Variants in RBFOX1 observed in about 807,000 individuals in gnomAD.
RBFOX1 encodes RNA binding protein fox-1 homolog 1.
In RBFOX1, 8 loss-of-function variants were observed where a neutral mutation model predicts 57.7. The observed-to-expected ratio is 0.14, with a 90% CI of 0.08 to 0.25. RBFOX1 has a LOEUF of 0.25. RBFOX1 is among the 10% of genes least tolerant of loss of function. The pLI, the probability that RBFOX1 is intolerant of heterozygous loss-of-function variation, is 1.00. For missense variants in RBFOX1, 611 were observed against 548.5 expected (o/e 1.11, Z -1.14); for synonymous variants, 326 against 222.4 (o/e 1.47, Z -4.15).
At chr16:5,952,674 T>G (rs544901490) in intron 4 of RBFOX1, among the ~76,000 whole-genome samples, 1 of 152,336 alleles carries the variant, frequency 6.6e-6, no homozygotes, top group Admixed American at 6.5e-5. Flanking sequence ...TTAGTGATTC[T>G]CCCGCTTCAG....
At chr16:6,469,605 T>C (rs1236122782) in intron 2 of RBFOX1, among the ~76,000 whole-genome samples, 1 of 152,222 alleles carries the variant, frequency 6.6e-6, no homozygotes, top group African/African-American at 2.4e-5. Context: ...TCTCCTGTGT[T>C]AGGCTTGCTC....
chr16:5,773,637 A>G (rs2054050011), intron 3 of RBFOX1, among the ~76,000 whole-genome samples: 1 of 152,242 alleles, frequency 6.6e-6, no homozygotes, highest in Non-Finnish European at 1.5e-5. Flanking sequence ...CACGTGAGCA[A>G]GAACGTGCAT....
intron 2 of RBFOX1, among the ~76,000 whole-genome samples, chr16:6,351,148 G>A (rs73539422): frequency 0.014 from 2,173 of 152,092 alleles, 33 homozygotes; most frequent in African/African-American, 0.044. Context: ...ACCTGGGGAG[G>A]CAGGTTAGCT....
intron 1 of RBFOX1, among the ~76,000 whole-genome samples, chr16:6,298,012 A>C (rs2078340513): frequency 6.6e-6 from 1 of 152,234 alleles, no homozygotes; most frequent in African/African-American, 2.4e-5. Flanking sequence ...CTCAGGATGC[A>C]GAAAGCTGTT....
At chr16:5,925,783 T>C (rs1208624975) in intron 4 of RBFOX1, among the ~76,000 whole-genome samples, 1 of 152,176 alleles carries the variant, frequency 6.6e-6, no homozygotes, top group Non-Finnish European at 1.5e-5. Context: ...TCTTCCACCC[T>C]CTTTCCTGAA....
intron 4 of RBFOX1, among the ~76,000 whole-genome samples, chr16:7,258,758 A>C (rs1236623564): frequency 3.3e-5 from 5 of 152,166 alleles, no homozygotes; most frequent in African/African-American, 1.2e-4. Context: ...CAACTTTATT[A>C]GTTGCTGCAA....
At chr16:6,946,726 C>T (rs1007250953) in intron 3 of RBFOX1, among the ~76,000 whole-genome samples, 1 of 151,984 alleles carries the variant, frequency 6.6e-6, no homozygotes, top group African/African-American at 2.4e-5. Flanking sequence ...CCTGAGTCTC[C>T]CAAATAGCTG....
At chr16:5,432,360 G>A (rs987016149) in intron 1 of RBFOX1, among the ~76,000 whole-genome samples, 74 of 152,250 alleles carry the variant, frequency 4.9e-4, no homozygotes, top group Non-Finnish European at 1.0e-3. Context: ...TAGCCCTGGC[G>A]TGAAGCTCTC....
chr16:5,879,276 G>A (rs2057700617), intron 4 of RBFOX1, among the ~76,000 whole-genome samples: 1 of 152,234 alleles, frequency 6.6e-6, no homozygotes, highest in Non-Finnish European at 1.5e-5. Flanking sequence ...AGGGGTTTCA[G>A]ATGGTAAGCA....
At chr16:7,673,240 G>T (rs1301017202) in intron 13 of RBFOX1, among the ~76,000 whole-genome samples, 1 of 152,128 alleles carries the variant, frequency 6.6e-6, no homozygotes, top group African/African-American at 2.4e-5. Context: ...TTTGATTTAA[G>T]CCTCAAATTC....
rs968734676 is a variant in RBFOX1 at position 6,973,150 on chromosome 16, A to T, written c.-15-78907A>T. On this transcript the variant is annotated intron_variant, in intron 3 of 15. Coordinates refer to ENST00000550418, the MANE Select transcript of RBFOX1 (RefSeq NM_018723.4). Reference sequence around the variant, plus strand: ...CATTGTCTAAATAAATTAAAAATTTAAAAATAGAGACAAGGCCATCAGCTT... The same window carrying T: ...CATTGTCTAAATAAATTAAAAATTTTAAAATAGAGACAAGGCCATCAGCTT... Among the ~76,000 whole-genome samples, 12 of 152,046 alleles carry T rather than the reference A, an allele frequency of 7.9e-5. No homozygotes were observed. In the East Asian group the frequency reaches 1.9e-3, roughly 24 times the overall value.
At chr16:7,177,337 G>A (rs776303318) in intron 4 of RBFOX1, among the ~76,000 whole-genome samples, 15 of 152,186 alleles carry the variant, frequency 9.9e-5, no homozygotes, top group Non-Finnish European at 2.2e-4. Flanking sequence ...AGCTGAGGAT[G>A]CAAGGAACAA....
intron 4 of RBFOX1, among the ~76,000 whole-genome samples, chr16:5,986,356 G>A (rs764270835): frequency 9.2e-5 from 14 of 152,258 alleles, no homozygotes; most frequent in South Asian, 4.1e-4. Flanking sequence ...GAGCCATCGC[G>A]TCCAGACTGT....
intron 3 of RBFOX1, among the ~76,000 whole-genome samples, chr16:7,010,470 G>A (rs1046696717): frequency 1.3e-5 from 2 of 152,110 alleles, no homozygotes; most frequent in African/African-American, 4.8e-5. Flanking sequence ...CGAGGGGCTA[G>A]ATCTCTGGTG....
Position 7,277,329 on chromosome 16 carries a change from A to G in RBFOX1, c.27+225231A>G, listed in dbSNP as rs1028300960. Among the ~76,000 whole-genome samples, 5 of 152,304 alleles carry G rather than the reference A, an allele frequency of 3.3e-5. No individual in the cohort carries two copies. In the East Asian group the frequency reaches 7.7e-4, roughly 23 times the overall value. On this transcript the variant is annotated intron_variant, in intron 4 of 15. Transcript: ENST00000550418. ...TCTGTGGTTACTCAGGGAAGATCCAATGTGGTTTGTATGTAGATATCTCCT... is the reference window on the plus strand; with the variant it reads ...TCTGTGGTTACTCAGGGAAGATCCAGTGTGGTTTGTATGTAGATATCTCCT...
chr16:7,080,552 C>T (rs2059031879), intron 4 of RBFOX1, among the ~76,000 whole-genome samples: 1 of 152,160 alleles, frequency 6.6e-6, no homozygotes, highest in South Asian at 2.1e-4. Flanking sequence ...GTCACTTAAG[C>T]TCTCTGACCT....
intron 1 of RBFOX1, among the ~76,000 whole-genome samples, chr16:6,220,114 A>T (rs535781379): frequency 6.6e-6 from 1 of 152,124 alleles, no homozygotes; most frequent in African/African-American, 2.4e-5. Context: ...AAGGGTATTT[A>T]TCATTTATCT....
intron 4 of RBFOX1, chr16:7,332,848 T>G (rs2096716398): frequency 1.4e-6 from 2 of 1,450,766 alleles, no homozygotes; most frequent in Non-Finnish European, 9.1e-7. Flanking sequence ...GGATTTTCTT[T>G]CTTTCCTCTC....
intron 1 of RBFOX1, among the ~76,000 whole-genome samples, chr16:6,047,752 G>T (rs2095510543): frequency 6.6e-6 from 1 of 152,128 alleles, no homozygotes; most frequent in Non-Finnish European, 1.5e-5. Context: ...TACTTACTAC[G>T]TTCAGACTTG....
Sources: allele counts gnomAD v4.1 joint callset (sites outside exome capture counted in the v4.1 genomes callset), GRCh38; gene constraint gnomAD v4.1.1; transcripts MANE v1.5; gene names NCBI Gene and HGNC (gene_info 2026-07-23, HGNC 2026-07-21).